PRR16: variants seen among roughly 807,000 people sequenced by gnomAD.
The protein encoded by PRR16 is proline rich 16.
Under a neutral mutation model 18.2 loss-of-function variants are expected in PRR16, and 6 were observed. The observed-to-expected ratio is 0.33, with a 90% CI of 0.18 to 0.65. The LOEUF (loss-of-function observed/expected upper bound fraction) is 0.65. Among genes scored for constraint, PRR16 ranks in the 30% least tolerant of loss-of-function variants. PRR16 has a pLI of 0.74. For missense variants in PRR16, 412 were observed against 376.6 expected (o/e 1.09, Z -0.78); for synonymous variants, 151 against 147.8 (o/e 1.02, Z -0.16).
At chr5:120,687,434 A>G (rs929414941), downstream of PRR16, 2 of 152,232 alleles carry the variant, frequency 1.3e-5, no homozygotes, top group African/African-American at 4.8e-5. Flanking sequence ...AGAATTTTCT[A>G]AATGAAATAT....
At chr5:120,636,405 C>T (rs1755229559) in intron 1 of PRR16, among the ~76,000 whole-genome samples, 1 of 152,136 alleles carries the variant, frequency 6.6e-6, no homozygotes, top group Non-Finnish European at 1.5e-5. Context: ...ACCAAAACAG[C>T]ATAGTAGCAG....
intron 1 of PRR16, among the ~76,000 whole-genome samples, chr5:120,612,527 G>A (rs960350480): frequency 6.6e-5 from 10 of 152,090 alleles, no homozygotes; most frequent in African/African-American, 1.9e-4. Flanking sequence ...TAAGTATTAC[G>A]ATATCTGAAG....
rs188821799 is a variant in PRR16, at chr5:120,503,091, A to C, written c.159+38446A>C. On this transcript the variant is annotated intron_variant, in intron 1 of 1. Coordinates refer to ENST00000407149, the MANE Select transcript of PRR16 (RefSeq NM_001300783.2). ...TACAATTTTAGTTAATCTTGGTTAA[A>C]GACATTGAAAGCCCTTCAATAAATC... is the stretch of plus-strand genomic sequence containing the variant. Among the ~76,000 whole-genome samples the C allele has an allele frequency of 3.7e-4, 57 of 152,334 alleles. 1 individual carries two copies. Among genetic ancestry groups the C allele is most frequent in the Admixed American group, 1.5e-3 (23 of 15,310 alleles).
the PRR16 span, among the ~76,000 whole-genome samples, chr5:120,768,095 A>T: frequency 1.2e-3 from 184 of 151,954 alleles, 1 homozygote; most frequent in South Asian, 0.017. Flanking sequence ...GCCCAAATCA[A>T]CCAGTAATTA....
At chr5:120,721,991 T>G in the PRR16 span, among the ~76,000 whole-genome samples, 2 of 152,066 alleles carry the variant, frequency 1.3e-5, no homozygotes, top group African/African-American at 4.8e-5. Context: ...GTCATCTACA[T>G]GAGGTATTTC....
the PRR16 span, among the ~76,000 whole-genome samples, chr5:120,721,044 G>T: frequency 6.6e-6 from 1 of 151,956 alleles, no homozygotes; most frequent in African/African-American, 2.4e-5. Context: ...TCATCATATG[G>T]AAACTTTTAA....
At chr5:120,677,897 T>TTTTC (rs1276400639) in intron 1 of PRR16, among the ~76,000 whole-genome samples, 1 of 119,798 alleles carries the variant, frequency 8.3e-6, no homozygotes, top group East Asian at 2.5e-4. Context: ...TGCTTTTTCT[T>TTTTC]TTTCTTTCTT....
At chr5:120,793,165 A>G in the PRR16 span, among the ~76,000 whole-genome samples, 1 of 151,992 alleles carries the variant, frequency 6.6e-6, no homozygotes, top group Admixed American at 6.6e-5. Context: ...GTGTATCTAA[A>G]CATACCTAAA....
chr5:120,742,693 C>T, the PRR16 span, among the ~76,000 whole-genome samples: 1 of 152,218 alleles, frequency 6.6e-6, no homozygotes, highest in African/African-American at 2.4e-5. Context: ...TCTGCTTTAA[C>T]AAATTACCAC....
At chr5:120,789,083 G>A in the PRR16 span, among the ~76,000 whole-genome samples, 1 of 151,796 alleles carries the variant, frequency 6.6e-6, no homozygotes, top group African/African-American at 2.4e-5. Flanking sequence ...TTAAAACAGG[G>A]GGTTCTCAGA....
chr5:120,542,598 T>TA, intron 1 of PRR16, among the ~76,000 whole-genome samples: 1 of 152,204 alleles, frequency 6.6e-6, no homozygotes, highest in East Asian at 1.9e-4. Flanking sequence ...CTTTTCAACA[T>TA]AAAAACAAAA....
At chr5:120,480,331 A>G (rs941406600) in intron 1 of PRR16, among the ~76,000 whole-genome samples, 6 of 152,178 alleles carry the variant, frequency 3.9e-5, no homozygotes, top group Admixed American at 1.3e-4. Context: ...ATGAATTCCA[A>G]TACTCACCAA....
chr5:120,722,672 A>G, the PRR16 span, among the ~76,000 whole-genome samples: 1 of 151,966 alleles, frequency 6.6e-6, no homozygotes, highest in Non-Finnish European at 1.5e-5. Context: ...ATTTTCACTA[A>G]CCTGAGCAGT....
the PRR16 span, among the ~76,000 whole-genome samples, chr5:120,737,603 C>T: frequency 0.83 from 124,802 of 151,180 alleles, 53,133 homozygotes; most frequent in East Asian, 0.94. Flanking sequence ...TCTCATAGAA[C>T]TTGTTGGAAC....
chr5:120,601,746 T>A (rs1290299374), intron 1 of PRR16, among the ~76,000 whole-genome samples: 2 of 152,024 alleles, frequency 1.3e-5, no homozygotes, highest in Non-Finnish European at 2.9e-5. Context: ...TTTTTAATGG[T>A]GTAAGGAAGG....
At chr5:120,593,673 T>C (rs1753711396) in intron 1 of PRR16, among the ~76,000 whole-genome samples, 1 of 152,120 alleles carries the variant, frequency 6.6e-6, no homozygotes, top group Non-Finnish European at 1.5e-5. Context: ...ACCATCCTGA[T>C]ACCAAAACCT....
chr5:120,774,088 G>GA, the PRR16 span, among the ~76,000 whole-genome samples: 1 of 151,982 alleles, frequency 6.6e-6, no homozygotes, highest in South Asian at 2.1e-4. Context: ...CTGTTGCTAT[G>GA]AAAATATCAG....
intron 1 of PRR16, among the ~76,000 whole-genome samples, chr5:120,495,373 A>G (rs2112834313): frequency 6.6e-6 from 1 of 152,240 alleles, no homozygotes; most frequent in South Asian, 2.1e-4. Flanking sequence ...TCCCCTGAGA[A>G]TACCAAAATT....
chr5:120,668,920 G>A (rs765971950), intron 1 of PRR16, among the ~76,000 whole-genome samples: 20 of 151,812 alleles, frequency 1.3e-4, no homozygotes, highest in Non-Finnish European at 2.1e-4. Context: ...TGGGAATAAC[G>A]CGTCCGCATC....
Sources: allele counts gnomAD v4.1 joint callset (sites outside exome capture counted in the v4.1 genomes callset), GRCh38; gene constraint gnomAD v4.1.1; transcripts MANE v1.5; gene names NCBI Gene and HGNC (gene_info 2026-07-23, HGNC 2026-07-21).